The following HMG20A variants were observed in gnomAD, a reference collection of about 807,000 sequenced individuals.
The protein encoded by HMG20A is high mobility group 20A.
A neutral mutation model predicts 43.9 loss-of-function variants in HMG20A; 17 were observed. The ratio of observed to expected loss-of-function variants is 0.39; its 90% CI spans 0.27 to 0.58. HMG20A has a LOEUF of 0.58. Among genes scored for constraint, HMG20A ranks in the 20% least tolerant of loss-of-function variants. The pLI, the probability that HMG20A is intolerant of heterozygous loss-of-function variation, is 0.59. For missense variants in HMG20A, 341 were observed against 438.2 expected (o/e 0.78, Z 1.98); for synonymous variants, 132 against 147.5 (o/e 0.89, Z 0.76).
intron 4 of HMG20A, among the ~76,000 whole-genome samples, chr15:77,468,720 A>G (rs2072780420): frequency 6.6e-6 from 1 of 152,062 alleles, no homozygotes; most frequent in Admixed American, 6.6e-5. Context: ...AGGATATTTC[A>G]GTGTGTATGT....
At chr15:77,437,523 T>C (rs1012281923) in intron 1 of HMG20A, among the ~76,000 whole-genome samples, 47 of 152,170 alleles carry the variant, frequency 3.1e-4, no homozygotes, top group Non-Finnish European at 6.8e-4. Context: ...GCAGATTTTA[T>C]TTAAGCCCCC....
At chr15:77,489,112 A>G (rs1017532314), downstream of HMG20A, among the ~76,000 whole-genome samples, 2 of 152,240 alleles carry the variant, frequency 1.3e-5, no homozygotes, top group African/African-American at 4.8e-5. Flanking sequence ...CAATCCATGT[A>G]AAACACTTAG....
At chr15:77,474,293 C>T (rs941439754) in intron 6 of HMG20A, among the ~76,000 whole-genome samples, 3 of 152,118 alleles carry the variant, frequency 2.0e-5, no homozygotes, top group African/African-American at 4.8e-5. Flanking sequence ...TAAATACATA[C>T]TTATTTCCCT....
At chr15:77,518,020 C>T in the HMG20A span, among the ~76,000 whole-genome samples, 1 of 152,100 alleles carries the variant, frequency 6.6e-6, no homozygotes, top group African/African-American at 2.4e-5. Flanking sequence ...AAAAAAAAAT[C>T]CCTCCCCACC....
the HMG20A span, among the ~76,000 whole-genome samples, chr15:77,517,614 A>T: frequency 6.6e-6 from 1 of 151,698 alleles, no homozygotes; most frequent in Non-Finnish European, 1.5e-5. Context: ...CTTTCTGTTG[A>T]CATCTCCTGG....
intron 1 of HMG20A, among the ~76,000 whole-genome samples, chr15:77,435,922 T>C (rs1278563947): frequency 4.6e-5 from 7 of 152,128 alleles, no homozygotes; most frequent in African/African-American, 7.2e-5. Flanking sequence ...ATCTTCTAAC[T>C]GTTGAGTTCC....
intron 6 of HMG20A, among the ~76,000 whole-genome samples, chr15:77,474,563 G>A (rs996292429): frequency 2.0e-5 from 3 of 152,188 alleles, no homozygotes; most frequent in Admixed American, 6.5e-5. Flanking sequence ...AATGGGCCTC[G>A]TTGCCCAAGG....
chr15:77,477,187 G>GA (rs899132374), intron 6 of HMG20A, among the ~76,000 whole-genome samples: 1 of 151,676 alleles, frequency 6.6e-6, no homozygotes, highest in African/African-American at 2.4e-5. Context: ...AAAAGTGACT[G>GA]AAAAAAAACT....
intron 1 of HMG20A, among the ~76,000 whole-genome samples, chr15:77,456,276 C>T (rs1026511930): frequency 4.6e-5 from 7 of 152,110 alleles, no homozygotes; most frequent in African/African-American, 1.4e-4. Flanking sequence ...TCATTTGTCC[C>T]TCACCAGATA....
Position 77,483,313 on chromosome 15 carries a change from G to A in HMG20A, c.*350G>A, listed in dbSNP as rs1410243322. 6.6e-6 allele frequency: 1 copy of A among 152,232 alleles called. No individual in the cohort carries two copies. Among genetic ancestry groups the A allele is most frequent in the Non-Finnish European group, 1.5e-5 (1 of 68,048 alleles). The allele number at this position is 152,232 out of a possible 1,614,324, so 9.4% of individuals were successfully genotyped here. A position where few individuals can be genotyped will look rare whatever the true frequency, so the allele number is the denominator to read the frequency against. On this transcript the variant is annotated 3_prime_UTR_variant, in exon 10 of 10. Coordinates refer to ENST00000336216, the MANE Select transcript of HMG20A (RefSeq NM_001304504.2). ...TGACATCTGCTGCTGCAGAAAGGAA[G>A]ACTTTTCATTGTAATTTCGCTTAGA...
intron 1 of HMG20A, among the ~76,000 whole-genome samples, chr15:77,449,342 A>G (rs1373187631): frequency 1.3e-5 from 2 of 152,124 alleles, no homozygotes; most frequent in African/African-American, 4.8e-5. Context: ...ATGGTGAAAG[A>G]GTTTTTAACT....
At chr15:77,421,372 T>C (rs1285847550) in intron 1 of HMG20A, among the ~76,000 whole-genome samples, 1 of 152,248 alleles carries the variant, frequency 6.6e-6, no homozygotes, top group Non-Finnish European at 1.5e-5. Context: ...AGTCAGAATT[T>C]ATGAGTTTGC....
the HMG20A span, among the ~76,000 whole-genome samples, chr15:77,513,708 A>C: frequency 6.9e-6 from 1 of 145,978 alleles, no homozygotes; most frequent in Admixed American, 6.8e-5. Flanking sequence ...CACCCTTATG[A>C]CCTCATTTAA....
chr15:77,451,247 C>T (rs1006093503), intron 1 of HMG20A, among the ~76,000 whole-genome samples: 21 of 152,200 alleles, frequency 1.4e-4, no homozygotes, highest in East Asian at 1.3e-3. Flanking sequence ...TTTGTGTGGA[C>T]GTAAGTTTTC....
chr15:77,497,682 A>AGAGTGTGT, the HMG20A span, among the ~76,000 whole-genome samples: 162 of 119,076 alleles, frequency 1.4e-3, no homozygotes, highest in African/African-American at 5.0e-3. Flanking sequence ...AGAGAGAGAG[A>AGAGTGTGT]GTGTGTGTGT....
At chr15:77,499,837 T>C in the HMG20A span, among the ~76,000 whole-genome samples, 3 of 150,258 alleles carry the variant, frequency 2.0e-5, no homozygotes, top group African/African-American at 7.3e-5. Flanking sequence ...TTCTTTTCTT[T>C]TTTTTTTTTT....
intron 9 of HMG20A, among the ~76,000 whole-genome samples, chr15:77,480,187 G>T (rs1455013205): frequency 2.0e-5 from 3 of 152,164 alleles, no homozygotes; most frequent in Non-Finnish European, 4.4e-5. Flanking sequence ...AGCTGCTTGG[G>T]AGGCTAAAGT....
chr15:77,450,434 A>G (rs539824177), intron 1 of HMG20A, among the ~76,000 whole-genome samples: 108 of 152,286 alleles, frequency 7.1e-4, no homozygotes, highest in African/African-American at 2.4e-3. Context: ...CAATGATTTT[A>G]TTTATTTTGT....
downstream of HMG20A, among the ~76,000 whole-genome samples, chr15:77,486,989 A>G (rs549052346): frequency 6.6e-6 from 1 of 152,328 alleles, no homozygotes; most frequent in African/African-American, 2.4e-5. Flanking sequence ...AAAGGCTAGT[A>G]TGGAGGCTCC....
Sources: allele counts gnomAD v4.1 joint callset (sites outside exome capture counted in the v4.1 genomes callset), GRCh38; gene constraint gnomAD v4.1.1; transcripts MANE v1.5; gene names NCBI Gene and HGNC (gene_info 2026-07-23, HGNC 2026-07-21).